ANKFN1: variants seen among roughly 807,000 people sequenced by gnomAD.
The protein encoded by ANKFN1 is ankyrin repeat and fibronectin type III domain containing 1.
In ANKFN1, 74 loss-of-function variants were observed where a neutral mutation model predicts 108.7. That is an observed-to-expected ratio of 0.68 (90% CI 0.56 to 0.83). The LOEUF (loss-of-function observed/expected upper bound fraction) is 0.83. Among genes scored for constraint, ANKFN1 ranks in the 40% least tolerant of loss-of-function variants. The probability of loss-of-function intolerance (pLI) is 0.00; values close to 1 mark genes in which losing one functional copy is unlikely to be tolerated. For synonymous variants in ANKFN1, 547 were observed against 516.2 expected (o/e 1.06, Z -0.81); for missense variants, 1,505 against 1,382.3 (o/e 1.09, Z -1.41).
intron 1 of ANKFN1, among the ~76,000 whole-genome samples, chr17:56,169,551 G>C (rs948455660): frequency 2.0e-5 from 3 of 152,168 alleles, no homozygotes; most frequent in Non-Finnish European, 4.4e-5. Context: ...TTATAGGCAT[G>C]AGCAACGAAG....
chr17:56,417,204 ATAAC>A (rs1380864304), intron 8 of ANKFN1, among the ~76,000 whole-genome samples: 1 of 152,200 alleles, frequency 6.6e-6, no homozygotes, highest in Non-Finnish European at 1.5e-5. Flanking sequence ...ATGTTTAAAA[ATAAC>A]TAAGAGTATA....
rs1448736035 is a variant in ANKFN1 at position 56,176,163 on chromosome 17, C to T, written c.-71+22633C>T. 4.6e-5 allele frequency among the ~76,000 whole-genome samples: 7 copies of T among 151,994 alleles called. 1 individual carries two copies. In the East Asian group the frequency reaches 7.8e-4, roughly 17 times the overall value. On this transcript the variant is annotated intron_variant, in intron 1 of 20. Coordinates refer to ENST00000682825, the MANE Select transcript of ANKFN1 (RefSeq NM_001370326.1). ...TAATGCATTTTTCTAGTAAATGATG[C>T]GAATCCATGTGGCTGGGCAAGGAGG... is the stretch of plus-strand genomic sequence containing the variant.
chr17:56,413,146 G>C (rs2048145260), intron 8 of ANKFN1, among the ~76,000 whole-genome samples: 1 of 151,986 alleles, frequency 6.6e-6, no homozygotes. Context: ...CACTTCCCTA[G>C]TTAGCTGTAT....
intron 3 of ANKFN1, among the ~76,000 whole-genome samples, chr17:56,311,453 G>A (rs2045023459): frequency 6.6e-6 from 1 of 152,176 alleles, no homozygotes; most frequent in Admixed American, 6.5e-5. Context: ...ACTTTTCAGT[G>A]CCAATGTGAT....
At chr17:56,059,982 T>C (rs1904944695) in intron 4 of ANKFN1, among the ~76,000 whole-genome samples, 1 of 152,228 alleles carries the variant, frequency 6.6e-6, no homozygotes, top group African/African-American at 2.4e-5. Flanking sequence ...CAATGGTAGT[T>C]TGATAGGAAT....
intron 8 of ANKFN1, among the ~76,000 whole-genome samples, chr17:56,381,509 A>C (rs1421317767): frequency 6.6e-6 from 1 of 152,208 alleles, no homozygotes; most frequent in African/African-American, 2.4e-5. Flanking sequence ...GGCAATTCAA[A>C]CCAAAGGCAA....
intron 1 of ANKFN1, among the ~76,000 whole-genome samples, chr17:56,172,274 TC>T (rs1212645937): frequency 6.6e-6 from 1 of 152,144 alleles, no homozygotes; most frequent in African/African-American, 2.4e-5. Flanking sequence ...GATGCACTAT[TC>T]CTTTTATTTG....
At chr17:56,094,688 T>TTTG (rs1905496321) in intron 4 of ANKFN1, among the ~76,000 whole-genome samples, 1 of 146,956 alleles carries the variant, frequency 6.8e-6, no homozygotes, top group South Asian at 2.1e-4. Flanking sequence ...TTTTTTTTTT[T>TTTG]TTTTTGTATT....
chr17:56,242,518 T>C (rs1314297051), intron 3 of ANKFN1, among the ~76,000 whole-genome samples: 1 of 152,110 alleles, frequency 6.6e-6, no homozygotes, highest in Non-Finnish European at 1.5e-5. Context: ...TTGATTTTCA[T>C]GTTTGATTTT....
intron 4 of ANKFN1, among the ~76,000 whole-genome samples, chr17:56,095,734 G>A (rs550388204): frequency 1.3e-5 from 2 of 152,234 alleles, no homozygotes; most frequent in African/African-American, 4.8e-5. Context: ...AAAGCCAGGG[G>A]AGGTCACTGG....
At chr17:56,327,656 AAT>A (rs1163023794) in intron 4 of ANKFN1, among the ~76,000 whole-genome samples, 1 of 152,144 alleles carries the variant, frequency 6.6e-6, no homozygotes, top group African/African-American at 2.4e-5. Flanking sequence ...TGGTTACAGG[AAT>A]GGTGAGATGT....
intron 4 of ANKFN1, among the ~76,000 whole-genome samples, chr17:56,089,042 TA>T (rs11333729): frequency 0.02 from 3,049 of 150,566 alleles, 163 homozygotes; most frequent in African/African-American, 0.07. Context: ...ACTATACTGA[TA>T]AAAAAAAATC....
intron 2 of ANKFN1, 68 bp from the exon 3 acceptor site, chr17:56,227,849 C>A: frequency 7.8e-7 from 1 of 1,273,934 alleles, no homozygotes. Context: ...TCAAACGTGA[C>A]TCCTTTTTCA....
chr17:56,460,602 A>AT (rs972130310), intron 14 of ANKFN1, among the ~76,000 whole-genome samples: 35 of 151,570 alleles, frequency 2.3e-4, no homozygotes, highest in African/African-American at 7.5e-4. Context: ...GAAATTAATG[A>AT]TTTTTTCTGC....
At chr17:56,490,318 C>T (rs901277862) in intron 18 of ANKFN1, among the ~76,000 whole-genome samples, 1 of 152,138 alleles carries the variant, frequency 6.6e-6, no homozygotes, top group Non-Finnish European at 1.5e-5. Context: ...GAGGAGAAAA[C>T]ATTTACCGTG....
chr17:56,499,216 A>AG, intron 20 of ANKFN1, 118 bp downstream of exon 20: 1 of 939,910 alleles, frequency 1.1e-6, no homozygotes, highest in Non-Finnish European at 1.6e-6. Flanking sequence ...AACACTGCTC[A>AG]GGGGTAAGAG....
Position 56,385,750 on chromosome 17 carries a change from G to A in ANKFN1, c.910+11036G>A, listed in dbSNP as rs1378758233. ...CACCATCACTGGCCATCAGAGAAAT[G>A]CAAATCAAAACCACAATGAGATACC... On this transcript the variant is annotated intron_variant, in intron 8 of 20. Transcript: ENST00000682825. 4.6e-5 allele frequency among the ~76,000 whole-genome samples: 7 copies of A among 152,298 alleles called. No individual in the cohort carries two copies. The East Asian group carries it at 1.3e-3, about 29-fold the overall frequency.
At chr17:56,489,870 C>T (rs777329718) in intron 18 of ANKFN1, among the ~76,000 whole-genome samples, 36 of 152,172 alleles carry the variant, frequency 2.4e-4, no homozygotes, top group Admixed American at 5.2e-4. Flanking sequence ...CAGGGAGCTA[C>T]TAGGGTCAAG....
At chr17:56,314,399 A>G (rs1208273771) in intron 3 of ANKFN1, among the ~76,000 whole-genome samples, 2 of 152,216 alleles carry the variant, frequency 1.3e-5, no homozygotes, top group Non-Finnish European at 2.9e-5. Context: ...ACCTAAAGGC[A>G]CTATAGTTGC....
Sources: allele counts gnomAD v4.1 joint callset (sites outside exome capture counted in the v4.1 genomes callset), GRCh38; gene constraint gnomAD v4.1.1; transcripts MANE v1.5; gene names NCBI Gene and HGNC (gene_info 2026-07-23, HGNC 2026-07-21).